The following SLC36A1 variants were observed in gnomAD, a reference collection of about 807,000 sequenced individuals.
SLC36A1 encodes the protein proton-coupled amino acid transporter 1.
Under a neutral mutation model 47.5 loss-of-function variants are expected in SLC36A1, and 30 were observed. That is an observed-to-expected ratio of 0.63 (90% confidence interval 0.47 to 0.86). SLC36A1 has a LOEUF of 0.86. SLC36A1 is among the 40% of genes least tolerant of loss of function. The pLI, the probability that SLC36A1 is intolerant of heterozygous loss-of-function variation, is 0.00. For synonymous variants in SLC36A1, 255 were observed against 249.7 expected, an observed-to-expected ratio of 1.02 and a Z score of -0.20; for missense variants, 517 against 606.0, an observed-to-expected ratio of 0.85 and a Z score of 1.54.
the SLC36A1 span, among the ~76,000 whole-genome samples, chr5:151,379,622 G>A: frequency 4.6e-5 from 7 of 152,200 alleles, no homozygotes; most frequent in African/African-American, 7.2e-5. Context: ...ATGAGCCACC[G>A]TGCCCGGCGC....
At chr5:151,527,112 G>A in the SLC36A1 span, 1 of 1,011,980 alleles carries the variant, frequency 9.9e-7, no homozygotes, top group South Asian at 1.6e-5. Context: ...GTTGCCTTTG[G>A]GGACATCAGT....
the SLC36A1 span, among the ~76,000 whole-genome samples, chr5:151,345,985 G>A: frequency 6.6e-6 from 1 of 152,228 alleles, no homozygotes. Context: ...TAGCTGGTAA[G>A]CAGCTAAGTG....
the SLC36A1 span, among the ~76,000 whole-genome samples, chr5:151,420,223 T>C: frequency 6.6e-6 from 1 of 152,286 alleles, no homozygotes; most frequent in South Asian, 2.1e-4. Flanking sequence ...GTGTTGGAGT[T>C]ATACAAGGCC....
the SLC36A1 span, chr5:151,507,511 C>T: frequency 6.2e-7 from 1 of 1,614,122 alleles, no homozygotes; most frequent in Non-Finnish European, 8.5e-7. Context: ...GCCACGGCCA[C>T]TGTGATGATC....
At chr5:151,442,661 A>C (rs1752694788), upstream of SLC36A1, among the ~76,000 whole-genome samples, 1 of 152,162 alleles carries the variant, frequency 6.6e-6, no homozygotes, top group Non-Finnish European at 1.5e-5. Flanking sequence ...CTCAGCTACT[A>C]GTAACCTCTG....
the SLC36A1 span, among the ~76,000 whole-genome samples, chr5:151,552,267 C>T: frequency 6.6e-6 from 1 of 152,000 alleles, no homozygotes; most frequent in African/African-American, 2.4e-5. Flanking sequence ...ATTACAGGTG[C>T]GAGCCACTGT....
At chr5:151,464,734 C>G in intron 4 of SLC36A1, 132 bp downstream of exon 4, 2 of 759,416 alleles carry the variant, frequency 2.6e-6, no homozygotes, top group Admixed American at 4.7e-5. Context: ...CTTATGATTG[C>G]AGCGTTTTCC....
intron 3 of SLC36A1, 114 bp from the exon 4 acceptor site, chr5:151,464,400 A>T: frequency 2.3e-6 from 2 of 854,472 alleles, no homozygotes; most frequent in Non-Finnish European, 3.8e-6. Flanking sequence ...AAGTTTTGTC[A>T]CTGAAAACTG....
chr5:151,477,013 A>G, intron 9 of SLC36A1: 1 of 602,338 alleles, frequency 1.7e-6, no homozygotes, highest in Non-Finnish European at 3.1e-6. Flanking sequence ...TCCTAAGCTC[A>G]GAAGGACCGA....
the SLC36A1 span, among the ~76,000 whole-genome samples, chr5:151,351,361 A>G: frequency 6.6e-6 from 1 of 151,996 alleles, no homozygotes; most frequent in South Asian, 2.1e-4. Context: ...CAGCCTGGGC[A>G]AAAAGAGTGA....
the SLC36A1 span, among the ~76,000 whole-genome samples, chr5:151,519,205 A>C: frequency 6.6e-6 from 1 of 152,184 alleles, no homozygotes. Flanking sequence ...TTACCTGGGC[A>C]TGGTGGCACT....
the SLC36A1 span, among the ~76,000 whole-genome samples, chr5:151,373,873 T>G: frequency 6.6e-6 from 1 of 152,200 alleles, no homozygotes. Context: ...GCACTGGGAT[T>G]ACAGGTATGA....
At chr5:151,378,878 G>T in the SLC36A1 span, among the ~76,000 whole-genome samples, 3 of 152,240 alleles carry the variant, frequency 2.0e-5, no homozygotes, top group Non-Finnish European at 4.4e-5. Context: ...GCCAGAAGGG[G>T]AGGGCCATGC....
At chr5:151,400,034 G>A in the SLC36A1 span, among the ~76,000 whole-genome samples, 1 of 152,044 alleles carries the variant, frequency 6.6e-6, no homozygotes, top group African/African-American at 2.4e-5. Flanking sequence ...TAAATTTAGG[G>A]GGTACATGTG....
chr5:151,546,354 GACAA>G, the SLC36A1 span: 2 of 1,597,082 alleles, frequency 1.3e-6, no homozygotes, highest in South Asian at 2.2e-5. Flanking sequence ...CAGAAGACAA[GACAA>G]ACAAGTTTGC....
upstream of SLC36A1, among the ~76,000 whole-genome samples, chr5:151,433,976 C>G (rs956456847): frequency 2.0e-5 from 3 of 150,502 alleles, no homozygotes; most frequent in Non-Finnish European, 4.4e-5. Flanking sequence ...AATGAGAATT[C>G]AAGTTTCACT....
At chr5:151,458,332 A>ACACT (rs761564732) in intron 1 of SLC36A1, among the ~76,000 whole-genome samples, 7,301 of 108,328 alleles carry the variant, frequency 0.067, 206 homozygotes, top group African/African-American at 0.074. Flanking sequence ...ATATATATAT[A>ACACT]TGGGATATTT....
At chr5:151,468,184 G>A (rs867911876) in intron 7 of SLC36A1, among the ~76,000 whole-genome samples, 11 of 142,204 alleles carry the variant, frequency 7.7e-5, no homozygotes, top group East Asian at 2.1e-4. Context: ...CCTGGGAGGC[G>A]AAGGTTGCAG....
the SLC36A1 span, among the ~76,000 whole-genome samples, chr5:151,389,421 T>A: frequency 2.0e-5 from 3 of 152,268 alleles, no homozygotes; most frequent in Non-Finnish European, 2.9e-5. Flanking sequence ...AATTTTTTTT[T>A]AAATTATACT....
Sources: allele counts gnomAD v4.1 joint callset (sites outside exome capture counted in the v4.1 genomes callset), GRCh38; gene constraint gnomAD v4.1.1; transcripts MANE v1.5; gene names NCBI Gene and HGNC (gene_info 2026-07-23, HGNC 2026-07-21).